The following GRIN2A variants were observed in gnomAD, a reference collection of about 807,000 sequenced individuals.
The protein encoded by GRIN2A is glutamate ionotropic receptor NMDA type subunit 2A.
GRIN2A carries 22 observed loss-of-function variants against 113.4 expected under a neutral mutation model. The observed-to-expected ratio is 0.19, with a 90% CI of 0.14 to 0.28. The LOEUF (loss-of-function observed/expected upper bound fraction) is 0.28, where lower values mean the gene tolerates loss of function less well. Among genes scored for constraint, GRIN2A ranks in the 10% least tolerant of loss-of-function variants. GRIN2A has a pLI of 1.00. For synonymous variants in GRIN2A, 827 were observed against 738.4 expected (o/e 1.12, Z -1.94); for missense variants, 1,502 against 1,887.0 (o/e 0.80, Z 3.78).
At chr16:10,006,911 C>T (rs2046413875) in intron 2 of GRIN2A, among the ~76,000 whole-genome samples, 1 of 152,166 alleles carries the variant, frequency 6.6e-6, no homozygotes, top group African/African-American at 2.4e-5. Flanking sequence ...TGGCTTATTT[C>T]ACTTAACATA....
chr16:10,017,907 CTAT>C (rs1212341857), intron 2 of GRIN2A, among the ~76,000 whole-genome samples: 8 of 152,302 alleles, frequency 5.3e-5, no homozygotes, highest in Admixed American at 1.3e-4. Flanking sequence ...GCTGGATCCT[CTAT>C]TATTATGTTA....
chr16:10,109,250 C>T (rs1429649137), intron 2 of GRIN2A, among the ~76,000 whole-genome samples: 2 of 151,696 alleles, frequency 1.3e-5, no homozygotes, highest in African/African-American at 2.4e-5. Context: ...AACCCTGTAT[C>T]AATTAAAGAA....
chr16:9,953,793 G>T (rs1302626507), intron 2 of GRIN2A, among the ~76,000 whole-genome samples: 2 of 152,112 alleles, frequency 1.3e-5, no homozygotes, highest in East Asian at 3.9e-4. Flanking sequence ...AAGGCTGAAA[G>T]GTACTGCTGT....
chr16:9,969,234 C>A (rs918006195), intron 2 of GRIN2A, among the ~76,000 whole-genome samples: 1 of 152,232 alleles, frequency 6.6e-6, no homozygotes, highest in African/African-American at 2.4e-5. Context: ...GTTACCGAAT[C>A]TTTCCTCTAC....
At chr16:9,940,611 G>A (rs905493831) in intron 2 of GRIN2A, among the ~76,000 whole-genome samples, 1 of 152,124 alleles carries the variant, frequency 6.6e-6, no homozygotes, top group Non-Finnish European at 1.5e-5. Flanking sequence ...GAAGCCTAAA[G>A]GACTGTCCTT....
intron 2 of GRIN2A, among the ~76,000 whole-genome samples, chr16:10,064,286 C>G (rs2047606365): frequency 6.6e-6 from 1 of 152,144 alleles, no homozygotes; most frequent in Non-Finnish European, 1.5e-5. Context: ...TACTTGAATG[C>G]TGGTAAATGC....
At chr16:9,996,584 A>T (rs1445025614) in intron 2 of GRIN2A, among the ~76,000 whole-genome samples, 1 of 152,218 alleles carries the variant, frequency 6.6e-6, no homozygotes, top group Non-Finnish European at 1.5e-5. Context: ...CACACCTGTA[A>T]GTAATATTCC....
chr16:10,078,643 G>A (rs970537097), intron 2 of GRIN2A, among the ~76,000 whole-genome samples: 29 of 152,130 alleles, frequency 1.9e-4, no homozygotes, highest in South Asian at 2.1e-4. Context: ...CTCTGCCCTC[G>A]GTTGCTACTG....
At chr16:9,799,113 T>TAAAG (rs1190124982) in intron 10 of GRIN2A, among the ~76,000 whole-genome samples, 2 of 152,220 alleles carry the variant, frequency 1.3e-5, no homozygotes, top group Non-Finnish European at 2.9e-5. Flanking sequence ...CTTTCTTCTA[T>TAAAG]AAAGACAAGA....
Position 10,095,884 on chromosome 16 carries a change from G to C in GRIN2A, c.414+84114C>G, listed in dbSNP as rs2048280833. Among the ~76,000 whole-genome samples the C allele has an allele frequency of 2.6e-5, 4 of 152,062 alleles. No individual in the cohort carries two copies. In the South Asian group the frequency reaches 8.3e-4, roughly 32 times the overall value. On this transcript the variant is annotated intron_variant, in intron 2 of 12. Transcript: ENST00000330684. ...TGATATTCCTACAAAAAAAAAGTGT[G>C]AAAGAAATAGGGCAAAATGTAAGCA...
chr16:10,013,186 C>T (rs758861837), intron 2 of GRIN2A, among the ~76,000 whole-genome samples: 13 of 152,200 alleles, frequency 8.5e-5, no homozygotes, highest in Non-Finnish European at 1.8e-4. Flanking sequence ...AAAAAGAGAT[C>T]CATCCCTAGA....
At chr16:9,906,725 C>T (rs757251625) in intron 3 of GRIN2A, among the ~76,000 whole-genome samples, 2 of 152,182 alleles carry the variant, frequency 1.3e-5, no homozygotes, top group Admixed American at 6.5e-5. Flanking sequence ...GATCTAGACA[C>T]GCAAGATAAC....
chr16:10,055,122 ACAGTAGTTG>A (rs2047435246), intron 2 of GRIN2A, among the ~76,000 whole-genome samples: 1 of 128,308 alleles, frequency 7.8e-6, no homozygotes, highest in South Asian at 2.9e-4. Flanking sequence ...GAAAAAAAAA[ACAGTAGTTG>A]GAAAAATATA....
rs149302466 is a variant in GRIN2A at position 9,829,256 on chromosome 16, T to G, written c.2007+167A>C. On this transcript the variant is annotated intron_variant, in intron 9 of 12. Coordinates refer to ENST00000330684, the MANE Select transcript of GRIN2A (RefSeq NM_001134407.3). ...GGAGAGCTAACCTTAATGTTCTGTT[T>G]CAAAAACTTTGAGAAAGAGGACAAT... Among the ~76,000 whole-genome samples, 17 of 152,332 alleles carry G rather than the reference T, an allele frequency of 1.1e-4. No homozygotes were observed. In the East Asian group the frequency reaches 3.3e-3, roughly 29 times the overall value.
intron 4 of GRIN2A, among the ~76,000 whole-genome samples, chr16:9,860,380 G>A (rs550273873): frequency 1.3e-5 from 2 of 149,286 alleles, no homozygotes; most frequent in South Asian, 2.1e-4. Flanking sequence ...CCCAGGAGGC[G>A]GAGGTTGCAG....
intron 2 of GRIN2A, among the ~76,000 whole-genome samples, chr16:10,174,758 A>T (rs1286825348): frequency 6.6e-6 from 1 of 152,140 alleles, no homozygotes; most frequent in East Asian, 1.9e-4. Flanking sequence ...AAAATAATAG[A>T]CCAGACACAA....
chr16:10,039,795 A>AGG (rs1231955339), intron 2 of GRIN2A, among the ~76,000 whole-genome samples: 6 of 8,918 alleles, frequency 6.7e-4, no homozygotes, highest in Admixed American at 1.9e-3. Flanking sequence ...GGGGAGGGGG[A>AGG]GGGGGAGGGG....
intron 3 of GRIN2A, among the ~76,000 whole-genome samples, chr16:9,923,115 G>T (rs1274511592): frequency 6.6e-6 from 1 of 151,824 alleles, no homozygotes; most frequent in Non-Finnish European, 1.5e-5. Flanking sequence ...CCTTGCAGTT[G>T]CATCAGTTTT....
In GRIN2A at chr16:9,937,073, T is replaced by TG. The variant is rs558582962; in HGVS notation, c.1007+885_1007+886insC. 4.7e-3 allele frequency among the ~76,000 whole-genome samples: 721 copies of TG among 152,314 alleles called. 5 individuals are homozygous for TG. The highest frequency in any genetic ancestry group is 0.016 in the African/African-American group (672 of 41,552). The stretch of plus-strand genomic sequence containing the variant: ...AGCTGTTTAGCTTCTAATAGGAAGC[T>TG]TCAAAATCCCTAAATTAAATGTTTA... On this transcript the variant is annotated intron_variant, in intron 3 of 12. Coordinates refer to ENST00000330684, the MANE Select transcript of GRIN2A (RefSeq NM_001134407.3).
Sources: gnomAD v4.1 joint callset for allele counts (sites outside exome capture counted in the v4.1 genomes callset) on GRCh38, gnomAD v4.1.1 for gene constraint, MANE v1.5 for transcripts, NCBI Gene and HGNC (gene_info 2026-07-23, HGNC 2026-07-21) for gene names.